Variants in GNG4 observed in about 807,000 individuals in gnomAD.
The protein encoded by GNG4 is guanine nucleotide-binding protein G(I)/G(S)/G(O) subunit gamma-4.
A neutral mutation model predicts 5.8 loss-of-function variants in GNG4; 4 were observed. That is an observed-to-expected ratio of 0.69 (90% CI 0.34 to 1.57). The LOEUF (loss-of-function observed/expected upper bound fraction) is 1.57, where lower values mean the gene tolerates loss of function less well. Ranked by LOEUF, GNG4 falls within the 40% of genes most tolerant of loss-of-function variation. The pLI is 0.06. For synonymous variants in GNG4, 29 were observed against 32.9 expected, an observed-to-expected ratio of 0.88 and a Z score of 0.41; for missense variants, 96 against 95.1, an observed-to-expected ratio of 1.01 and a Z score of -0.04.
intron 3 of GNG4, among the ~76,000 whole-genome samples, chr1:235,583,444 T>C (rs968951984): frequency 2.0e-5 from 3 of 152,172 alleles, no homozygotes; most frequent in Non-Finnish European, 4.4e-5. Context: ...ATTGCTAAAC[T>C]CTCTTTCTTG....
chr1:235,650,216 GA>G (rs1270860499), upstream of GNG4, among the ~76,000 whole-genome samples: 1 of 73,270 alleles, frequency 1.4e-5, no homozygotes, highest in Non-Finnish European at 3.7e-5. Flanking sequence ...GTGGCCGGGG[GA>G]CCACTGGAGG....
At chr1:235,573,528 A>G (rs576209589) in intron 3 of GNG4, among the ~76,000 whole-genome samples, 6 of 152,108 alleles carry the variant, frequency 3.9e-5, no homozygotes, top group Non-Finnish European at 8.8e-5. Context: ...CTGTAATCCC[A>G]ACACTTTGGG....
intron 3 of GNG4, among the ~76,000 whole-genome samples, chr1:235,557,483 G>C (rs1387403855): frequency 6.6e-6 from 1 of 151,968 alleles, no homozygotes; most frequent in African/African-American, 2.4e-5. Flanking sequence ...GATGGACACA[G>C]CCACTGTGGT....
chr1:235,608,772 C>T (rs1688416770), intron 1 of GNG4, among the ~76,000 whole-genome samples: 1 of 151,992 alleles, frequency 6.6e-6, no homozygotes, highest in African/African-American at 2.4e-5. Flanking sequence ...CAACCTCCGC[C>T]TCCCGAGTTG....
At chr1:235,617,040 G>A (rs1008661640) in intron 1 of GNG4, among the ~76,000 whole-genome samples, 13 of 151,374 alleles carry the variant, frequency 8.6e-5, no homozygotes, top group Non-Finnish European at 1.8e-4. Context: ...GAGCCACTGT[G>A]CCCTGCCCAG....
At chr1:235,612,051 G>C (rs1284859167) in intron 1 of GNG4, among the ~76,000 whole-genome samples, 2 of 105,994 alleles carry the variant, frequency 1.9e-5, no homozygotes, top group Non-Finnish European at 3.4e-5. Context: ...GCGACAGAGT[G>C]AGACTTTGTC....
At chr1:235,610,849 C>G (rs941602636) in intron 1 of GNG4, among the ~76,000 whole-genome samples, 8 of 152,152 alleles carry the variant, frequency 5.3e-5, no homozygotes, top group Admixed American at 3.3e-4. Context: ...CTTTGGGAGG[C>G]TGAGGAGGGC....
intron 3 of GNG4, among the ~76,000 whole-genome samples, chr1:235,560,489 A>G (rs945080107): frequency 4.6e-5 from 7 of 152,348 alleles, no homozygotes; most frequent in African/African-American, 1.4e-4. Flanking sequence ...ACTATGAGTT[A>G]ATAAATTTCT....
intron 3 of GNG4, among the ~76,000 whole-genome samples, chr1:235,556,424 G>A (rs1175097743): frequency 2.6e-5 from 4 of 151,912 alleles, no homozygotes; most frequent in Non-Finnish European, 5.9e-5. Flanking sequence ...TGGGCGTGGT[G>A]GCCCATGCCT....
At chr1:235,594,626 C>G (rs1688077315) in intron 2 of GNG4, among the ~76,000 whole-genome samples, 1 of 152,226 alleles carries the variant, frequency 6.6e-6, no homozygotes, top group South Asian at 2.1e-4. Flanking sequence ...CAGCTGCTGG[C>G]CCAGGTGCTA....
intron 1 of GNG4, among the ~76,000 whole-genome samples, chr1:235,631,096 ACCAGGTTGG>A (rs1558503413): frequency 6.6e-6 from 1 of 152,064 alleles, no homozygotes. Context: ...ATGGGGTTTC[ACCAGGTTGG>A]CCAGGCTGGT....
At chr1:235,641,544 T>G (rs947538169) in intron 1 of GNG4, among the ~76,000 whole-genome samples, 3 of 152,014 alleles carry the variant, frequency 2.0e-5, no homozygotes, top group African/African-American at 7.2e-5. Flanking sequence ...TACAAAAAAT[T>G]AGCTGGCGTG....
chr1:235,585,010 C>A (rs1276347138), intron 2 of GNG4, among the ~76,000 whole-genome samples: 1 of 152,090 alleles, frequency 6.6e-6, no homozygotes, highest in Non-Finnish European at 1.5e-5. Context: ...ACTTTCACTG[C>A]CCATTCCAAT....
chr1:235,613,580 G>C (rs1688527300), intron 1 of GNG4, among the ~76,000 whole-genome samples: 1 of 152,132 alleles, frequency 6.6e-6, no homozygotes. Flanking sequence ...TTTGAAGGTG[G>C]AAGGGGGCCA....
At chr1:235,621,271 TTTTC>T (rs1688704844) in intron 1 of GNG4, among the ~76,000 whole-genome samples, 2 of 141,974 alleles carry the variant, frequency 1.4e-5, no homozygotes, top group South Asian at 2.1e-4. Flanking sequence ...TCTTTCCTTT[TTTTC>T]TTTTTCTTTT....
At chr1:235,608,292 TA>T (rs1343817173) in intron 1 of GNG4, among the ~76,000 whole-genome samples, 1 of 152,144 alleles carries the variant, frequency 6.6e-6, no homozygotes, top group African/African-American at 2.4e-5. Context: ...TTTTATCACT[TA>T]CCATTTCCTT....
chr1:235,587,557 TGAATGTGGGA>T (rs1409838287), intron 2 of GNG4, among the ~76,000 whole-genome samples: 88 of 16,766 alleles, frequency 5.2e-3, no homozygotes, highest in Middle Eastern at 0.038. Flanking sequence ...GTTGGGGTTG[TGAATGTGGGA>T]GGGTGTGGGG....
intron 1 of GNG4, among the ~76,000 whole-genome samples, chr1:235,618,234 G>A (rs10926274): frequency 0.54 from 82,294 of 152,092 alleles, 23,531 homozygotes; most frequent in East Asian, 0.78. Context: ...TGGCAGCCCA[G>A]TGATTATGCT....
chr1:235,604,235 A>C (rs1688311381), intron 1 of GNG4, among the ~76,000 whole-genome samples: 1 of 152,236 alleles, frequency 6.6e-6, no homozygotes. Flanking sequence ...TACAGTCTAT[A>C]AACCTTACAG....
Sources: allele counts gnomAD v4.1 joint callset (sites outside exome capture counted in the v4.1 genomes callset), GRCh38; gene constraint gnomAD v4.1.1; transcripts MANE v1.5; gene names NCBI Gene and HGNC (gene_info 2026-07-23, HGNC 2026-07-21).